Variants in ZDHHC17 observed in about 807,000 individuals in gnomAD.
ZDHHC17 encodes the protein zDHHC palmitoyltransferase 17, also known as palmitoyltransferase ZDHHC17.
In ZDHHC17, 40 loss-of-function variants were observed where a neutral mutation model predicts 90.3. The observed-to-expected ratio is 0.44, with a 90% CI of 0.34 to 0.58. The LOEUF (loss-of-function observed/expected upper bound fraction) is 0.58. Among genes scored for constraint, ZDHHC17 ranks in the 20% least tolerant of loss-of-function variants. ZDHHC17 has a pLI of 0.01. For missense variants in ZDHHC17, 614 were observed against 780.8 expected, an observed-to-expected ratio of 0.79 and a Z score of 2.55; for synonymous variants, 235 against 252.4, an observed-to-expected ratio of 0.93 and a Z score of 0.65.
chr12:76,808,353 G>C (rs1952978527), intron 3 of ZDHHC17, among the ~76,000 whole-genome samples: 1 of 152,154 alleles, frequency 6.6e-6, no homozygotes, highest in Non-Finnish European at 1.5e-5. Context: ...TATGACAGCA[G>C]GGTGCGGCCG....
At chr12:76,828,263 T>C in intron 9 of ZDHHC17, 127 bp from the exon 10 acceptor site, 1 of 732,454 alleles carries the variant, frequency 1.4e-6, no homozygotes. Flanking sequence ...AAATTGAGCA[T>C]CCTGAACTCT....
intron 1 of ZDHHC17, among the ~76,000 whole-genome samples, chr12:76,792,927 G>C (rs534027907): frequency 1.3e-5 from 2 of 152,250 alleles, no homozygotes; most frequent in East Asian, 3.9e-4. Flanking sequence ...AGTCTAACTA[G>C]AGACATTATC....
intron 1 of ZDHHC17, among the ~76,000 whole-genome samples, chr12:76,785,820 G>T (rs1441808779): frequency 6.6e-6 from 1 of 152,164 alleles, no homozygotes; most frequent in Non-Finnish European, 1.5e-5. Flanking sequence ...TAAATGTGTA[G>T]GATGTGTAGA....
rs1953176487 is a variant in ZDHHC17, at chr12:76,822,512, G to A, written c.878G>A (p.Arg293Lys). ...GGATATGACAATCCGTCCTTCCTTA[G>A]AAAGCTGAAAGCTGATAAGGTAAAC... ...AKGYDNPSFLRKLKADKEFRQ... is the reference protein window; with the variant it reads ...AKGYDNPSFLKKLKADKEFRQ... Residue 293 changes from arginine to lysine, a missense_variant, in exon 8 of 17, where the codon AGA (arginine) becomes AAA (lysine). Arg to Lys is a conservative substitution (Grantham distance 26). Around this residue, in one of 5 missense-constraint regions of ZDHHC17, gnomAD observed 358 missense variants for 380.4 expected, o/e 0.94. Coordinates refer to ENST00000426126, the MANE Select transcript of ZDHHC17 (RefSeq NM_015336.4). 6.3e-7 allele frequency: 1 copy of A among 1,590,462 alleles called. No homozygotes were observed. The highest frequency in any genetic ancestry group is 8.6e-7 in the Non-Finnish European group (1 of 1,165,230).
chr12:76,766,845 C>T (rs1952436920), intron 1 of ZDHHC17, among the ~76,000 whole-genome samples: 1 of 151,952 alleles, frequency 6.6e-6, no homozygotes, highest in Non-Finnish European at 1.5e-5. Context: ...CATGGCAAAA[C>T]TCTGTGTCTA....
intron 3 of ZDHHC17, among the ~76,000 whole-genome samples, chr12:76,807,841 G>A (rs146321777): frequency 1.3e-3 from 199 of 152,248 alleles, no homozygotes; most frequent in African/African-American, 3.5e-3. Context: ...CATTTCCTAC[G>A]AGAGTGGTTA....
intron 14 of ZDHHC17, among the ~76,000 whole-genome samples, chr12:76,846,917 A>G (rs982131804): frequency 2.0e-5 from 3 of 152,198 alleles, no homozygotes; most frequent in East Asian, 3.8e-4. Flanking sequence ...TGAAAAACAT[A>G]TTGGTTTAAT....
intron 2 of ZDHHC17, among the ~76,000 whole-genome samples, chr12:76,797,807 G>T (rs543132920): frequency 6.6e-6 from 1 of 152,172 alleles, no homozygotes. Context: ...AGCCAGGCAT[G>T]GTGGTGGATG....
chr12:76,818,860 G>T (rs965619170), intron 7 of ZDHHC17, among the ~76,000 whole-genome samples: 1 of 152,178 alleles, frequency 6.6e-6, no homozygotes, highest in Non-Finnish European at 1.5e-5. Flanking sequence ...TATATGATCT[G>T]CTTTTTGTTT....
At position 76,768,466 on chromosome 12, in the gene ZDHHC17, G is replaced by A. The variant is rs868334823; in HGVS notation, c.93+4137G>A. Among the ~76,000 whole-genome samples, 18 of 152,216 alleles carry A rather than the reference G, an allele frequency of 1.2e-4. 1 individual carries two copies. The Middle Eastern group carries it at 0.014, about 115-fold the overall frequency. On this transcript the variant is annotated intron_variant, in intron 1 of 16. Coordinates refer to ENST00000426126, the MANE Select transcript of ZDHHC17 (RefSeq NM_015336.4). ...ACGTAGCATTGTGTTAGGTTATATG[G>A]GTTAAAATAACATAAAAAAGATAGC...
At chr12:76,841,320 C>A (rs1953432129) in intron 10 of ZDHHC17, among the ~76,000 whole-genome samples, 1 of 152,144 alleles carries the variant, frequency 6.6e-6, no homozygotes, top group Non-Finnish European at 1.5e-5. Context: ...TATCTACATA[C>A]AATCTTACAA....
At chr12:76,801,589 G>A (rs370407864) in intron 2 of ZDHHC17, among the ~76,000 whole-genome samples, 1 of 152,002 alleles carries the variant, frequency 6.6e-6, no homozygotes, top group East Asian at 1.9e-4. Flanking sequence ...GGGAGGCGGA[G>A]CTTGCAGTGA....
intron 4 of ZDHHC17, 24 bp downstream of exon 4, chr12:76,809,144 T>A (rs945691516): frequency 8.0e-6 from 12 of 1,505,892 alleles, no homozygotes; most frequent in African/African-American, 1.4e-5. Flanking sequence ...TCTGGATTTT[T>A]TTCCTTTGGT....
At chr12:76,815,263 T>C (rs929070870) in intron 6 of ZDHHC17, 53 bp downstream of exon 6, 154 of 1,291,950 alleles carry the variant, frequency 1.2e-4, no homozygotes, top group Admixed American at 1.4e-4. Context: ...TAATACAATA[T>C]GAAGTAAGAG....
chr12:76,806,552 T>C lies in ZDHHC17; in HGVS notation c.320+1113T>C, dbSNP rs982128463. Among the ~76,000 whole-genome samples, 47 of 152,198 alleles carry C rather than the reference T, an allele frequency of 3.1e-4. 4 individuals are homozygous for C. The highest frequency in any genetic ancestry group is 1.9e-4 in the East Asian group (1 of 5,202). On this transcript the variant is annotated intron_variant, in intron 3 of 16. Transcript: ENST00000426126. ...ATGCCCAGCTAATTTTTTTTATGTT[T>C]TTAGTAGAGATGGGGTTTCTCCATG...
intron 1 of ZDHHC17, among the ~76,000 whole-genome samples, chr12:76,795,999 A>C (rs2137743902): frequency 6.6e-6 from 1 of 152,322 alleles, no homozygotes; most frequent in African/African-American, 2.4e-5. Flanking sequence ...TATGCTAAGC[A>C]GAATTTGCTT....
At chr12:76,838,660 A>G (rs1953397796) in intron 10 of ZDHHC17, among the ~76,000 whole-genome samples, 1 of 152,190 alleles carries the variant, frequency 6.6e-6, no homozygotes, top group Non-Finnish European at 1.5e-5. Flanking sequence ...TGTCAGAATT[A>G]TCCCCCACCA....
rs1354318314 is a variant in ZDHHC17, at chr12:76,805,557, A to T, written c.320+118A>T. 5 of 941,108 alleles carry T rather than the reference A, an allele frequency of 5.3e-6. No individual in the cohort carries two copies. The East Asian group carries it at 1.4e-4, about 27-fold the overall frequency. The allele number at this position is 941,108 out of a possible 1,614,324, so 58.3% of individuals were successfully genotyped here. ...AAAATTCATGGCTTTTAGAAGATAG[A>T]TTCTGTGTACCTTGTTTTTCTGAAA... is the stretch of plus-strand genomic sequence containing the variant. On this transcript the variant is annotated intron_variant, in intron 3 of 16. Coordinates refer to ENST00000426126, the MANE Select transcript of ZDHHC17 (RefSeq NM_015336.4).
chr12:76,847,237 G>A (rs947004341), intron 14 of ZDHHC17, among the ~76,000 whole-genome samples: 4 of 152,186 alleles, frequency 2.6e-5, no homozygotes, highest in Non-Finnish European at 5.9e-5. Context: ...ATGCAGTCTG[G>A]AAAGAGTTTA....
Sources: allele counts gnomAD v4.1 joint callset (sites outside exome capture counted in the v4.1 genomes callset), GRCh38; gene constraint gnomAD v4.1.1; regional missense constraint gnomAD v4.1.1; transcripts MANE v1.5; gene names NCBI Gene and HGNC (gene_info 2026-07-23, HGNC 2026-07-21).